IQSEC1: variants seen among roughly 807,000 people sequenced by gnomAD.
IQSEC1 encodes IQ motif and SEC7 domain-containing protein 1.
In IQSEC1, 31 loss-of-function variants were observed where a neutral mutation model predicts 91.0. That is an observed-to-expected ratio of 0.34 (90% CI 0.26 to 0.46). The LOEUF (loss-of-function observed/expected upper bound fraction) is 0.46, where lower values mean the gene tolerates loss of function less well. Among genes scored for constraint, IQSEC1 ranks in the 20% least tolerant of loss-of-function variants. The pLI is 1.00. For synonymous variants in IQSEC1, 699 were observed against 662.6 expected, an observed-to-expected ratio of 1.05 and a Z score of -0.84; for missense variants, 1,388 against 1,575.6, an observed-to-expected ratio of 0.88 and a Z score of 2.02.
chr3:12,997,532 G>T (rs1286680975), intron 1 of IQSEC1, among the ~76,000 whole-genome samples: 1 of 152,188 alleles, frequency 6.6e-6, no homozygotes, highest in African/African-American at 2.4e-5. Context: ...TGAGAAATGT[G>T]TCCTTAGGTG....
At chr3:13,209,522 A>G (rs1226173115) in intron 1 of IQSEC1, among the ~76,000 whole-genome samples, 1 of 152,196 alleles carries the variant, frequency 6.6e-6, no homozygotes, top group African/African-American at 2.4e-5. Flanking sequence ...CAGCTTGGGC[A>G]ATTCAAGGGA....
chr3:12,962,682 CT>C (rs1303051813), intron 1 of IQSEC1, among the ~76,000 whole-genome samples: 2 of 152,226 alleles, frequency 1.3e-5, no homozygotes, highest in East Asian at 1.9e-4. Flanking sequence ...CCTCAGGACC[CT>C]GCTCCAAGCA....
chr3:13,077,810 C>G (rs1293954912), upstream of IQSEC1, among the ~76,000 whole-genome samples: 1 of 152,224 alleles, frequency 6.6e-6, no homozygotes, highest in Admixed American at 6.5e-5. Flanking sequence ...GTGCCCTGTC[C>G]CCTGTCTTGG....
chr3:13,051,456 G>A (rs891319799), intron 1 of IQSEC1, among the ~76,000 whole-genome samples: 1 of 152,200 alleles, frequency 6.6e-6, no homozygotes, highest in Admixed American at 6.5e-5. Flanking sequence ...GGAATGGGCT[G>A]TGACTGTGAC....
chr3:13,130,217 G>A (rs1247447057), intron 2 of IQSEC1, among the ~76,000 whole-genome samples: 7 of 151,004 alleles, frequency 4.6e-5, no homozygotes, highest in Non-Finnish European at 8.8e-5. Context: ...GGTGGCGCGC[G>A]CCTGTACTCC....
At chr3:13,175,842 C>G (rs60262169) in intron 1 of IQSEC1, among the ~76,000 whole-genome samples, 1 of 152,140 alleles carries the variant, frequency 6.6e-6, no homozygotes, top group Non-Finnish European at 1.5e-5. Flanking sequence ...GCTCACCTCT[C>G]GGGTCCTTTA....
chr3:13,118,794 G>A (rs1321861656), intron 2 of IQSEC1, among the ~76,000 whole-genome samples: 2 of 152,194 alleles, frequency 1.3e-5, no homozygotes, highest in Non-Finnish European at 2.9e-5. Flanking sequence ...GGTTAAAATG[G>A]GCTGGGGGCG....
At chr3:13,022,110 G>C in intron 1 of IQSEC1, 2 of 1,231,748 alleles carry the variant, frequency 1.6e-6, no homozygotes, top group Non-Finnish European at 2.0e-6. Context: ...TGCCTGGCTC[G>C]GTGGAGGAGC....
At chr3:13,146,012 AG>A (rs1706890392) in intron 2 of IQSEC1, among the ~76,000 whole-genome samples, 2 of 152,034 alleles carry the variant, frequency 1.3e-5, no homozygotes, top group Admixed American at 1.3e-4. Context: ...TTTTTTCAAG[AG>A]ACTAACGTCT....
intron 1 of IQSEC1, among the ~76,000 whole-genome samples, chr3:13,209,541 C>T (rs1486845831): frequency 6.6e-6 from 1 of 152,238 alleles, no homozygotes; most frequent in East Asian, 1.9e-4. Context: ...GAAGCATCGG[C>T]TCTCACAGCC....
At chr3:13,041,706 C>T (rs1002928588) in intron 1 of IQSEC1, among the ~76,000 whole-genome samples, 1 of 152,168 alleles carries the variant, frequency 6.6e-6, no homozygotes, top group African/African-American at 2.4e-5. Context: ...GCCTGCAGCC[C>T]CTGTCACCTC....
At chr3:13,177,770 A>T (rs1693766842) in intron 1 of IQSEC1, among the ~76,000 whole-genome samples, 1 of 152,210 alleles carries the variant, frequency 6.6e-6, no homozygotes, top group South Asian at 2.1e-4. Flanking sequence ...CCACATGCAC[A>T]ACCTCACAAA....
At chr3:13,045,045 A>G (rs1440243543) in intron 1 of IQSEC1, among the ~76,000 whole-genome samples, 2 of 152,192 alleles carry the variant, frequency 1.3e-5, no homozygotes, top group Non-Finnish European at 2.9e-5. Context: ...GAGGGTTGGG[A>G]GTCAGGACGC....
intron 1 of IQSEC1, among the ~76,000 whole-genome samples, chr3:12,946,816 ACAG>A (rs1699211971): frequency 6.6e-6 from 1 of 152,226 alleles, no homozygotes; most frequent in African/African-American, 2.4e-5. Flanking sequence ...GTTCTCAGAC[ACAG>A]CAGAAGACAG....
At chr3:13,253,822 C>T (rs1230697747) in intron 1 of IQSEC1, among the ~76,000 whole-genome samples, 3 of 152,204 alleles carry the variant, frequency 2.0e-5, no homozygotes, top group Non-Finnish European at 2.9e-5. Flanking sequence ...AGCACCCATG[C>T]TTTTCCAAGT....
intron 2 of IQSEC1, among the ~76,000 whole-genome samples, chr3:13,152,590 G>C (rs575834472): frequency 2.6e-5 from 4 of 152,316 alleles, no homozygotes; most frequent in East Asian, 1.9e-4. Flanking sequence ...CTTGGTTCCA[G>C]CTGGGCGTGG....
chr3:13,231,475 A>C (rs910148329), intron 1 of IQSEC1, among the ~76,000 whole-genome samples: 1 of 151,898 alleles, frequency 6.6e-6, no homozygotes. Flanking sequence ...GAGAGAGAGG[A>C]AGCTAGCTTT....
intron 1 of IQSEC1, among the ~76,000 whole-genome samples, chr3:12,945,801 C>A (rs2686744): frequency 6.6e-6 from 1 of 152,226 alleles, no homozygotes. Context: ...AATAAAAATA[C>A]AATTTAAGTG....
chr3:13,077,279 A>G (rs1559250439), upstream of IQSEC1, among the ~76,000 whole-genome samples: 1 of 152,198 alleles, frequency 6.6e-6, no homozygotes, highest in African/African-American at 2.4e-5. Context: ...CTGACCCACT[A>G]CAAGAAACAG....
Sources: gnomAD v4.1 joint callset for allele counts (sites outside exome capture counted in the v4.1 genomes callset) on GRCh38, gnomAD v4.1.1 for gene constraint, MANE v1.5 for transcripts, NCBI Gene and HGNC (gene_info 2026-07-23, HGNC 2026-07-21) for gene names.